CDH12: variants seen among roughly 807,000 people sequenced by gnomAD.
CDH12 encodes the protein cadherin-12.
A neutral mutation model predicts 74.1 loss-of-function variants in CDH12; 41 were observed. The observed-to-expected ratio is 0.55, with a 90% CI of 0.43 to 0.72. CDH12 has a LOEUF of 0.72. Among genes scored for constraint, CDH12 ranks in the 30% least tolerant of loss-of-function variants. CDH12 has a pLI of 0.00. For synonymous variants in CDH12, 399 were observed against 355.0 expected (o/e 1.12, Z -1.39); for missense variants, 945 against 977.2 (o/e 0.97, Z 0.44).
At chr5:22,249,310 A>T (rs1753059586) in intron 3 of CDH12, among the ~76,000 whole-genome samples, 1 of 152,200 alleles carries the variant, frequency 6.6e-6, no homozygotes, top group South Asian at 2.1e-4. Flanking sequence ...AGAGGGTATG[A>T]ACTCATAGGA....
chr5:22,456,374 A>T (rs942696241), intron 2 of CDH12, among the ~76,000 whole-genome samples: 4 of 151,986 alleles, frequency 2.6e-5, no homozygotes, highest in South Asian at 2.1e-4. Context: ...ACTCCTGTAC[A>T]CTATTGCTAA....
intron 4 of CDH12, among the ~76,000 whole-genome samples, chr5:22,094,935 C>G (rs113267502): frequency 6.6e-6 from 1 of 152,298 alleles, no homozygotes; most frequent in South Asian, 2.1e-4. Flanking sequence ...CCTTATAAAA[C>G]GGGCCCACCC....
At chr5:22,244,780 GAA>G (rs754786187) in intron 3 of CDH12, among the ~76,000 whole-genome samples, 2,479 of 124,196 alleles carry the variant, frequency 0.02, 34 homozygotes, top group East Asian at 0.023. Flanking sequence ...AAGAAAGAAA[GAA>G]AGAAAGAAAG....
In CDH12 at chr5:22,447,949, T is replaced by A. The variant is rs910373488; in HGVS notation, c.-427-42598A>T. Among the ~76,000 whole-genome samples, 44 of 128,008 alleles carry A rather than the reference T, an allele frequency of 3.4e-4. No homozygotes were observed. The Admixed American group carries it at 4.0e-3, about 12-fold the overall frequency. 84.0% of individuals were successfully genotyped at this position (128,008 alleles called of 152,430 possible). On this transcript the variant is annotated intron_variant, in intron 2 of 14. Transcript: ENST00000382254. Reference sequence around the variant, plus strand: ...TTGAGCCAGGAATTCAAGACCAACCTGGGCAACATGATGAGGCCTCCTTTC... The same window carrying A: ...TTGAGCCAGGAATTCAAGACCAACCAGGGCAACATGATGAGGCCTCCTTTC...
At chr5:22,253,527 T>C (rs568920942) in intron 3 of CDH12, among the ~76,000 whole-genome samples, 1 of 152,070 alleles carries the variant, frequency 6.6e-6, no homozygotes, top group African/African-American at 2.4e-5. Context: ...TTACATATTT[T>C]CTGTTCCTTT....
At chr5:21,940,925 A>G (rs947465163) in intron 6 of CDH12, among the ~76,000 whole-genome samples, 8 of 152,084 alleles carry the variant, frequency 5.3e-5, no homozygotes, top group African/African-American at 1.9e-4. Context: ...AAAATCATTA[A>G]TCTGAGATTA....
intron 1 of CDH12, among the ~76,000 whole-genome samples, chr5:22,534,037 T>A (rs1296567105): frequency 2.0e-5 from 3 of 152,008 alleles, no homozygotes; most frequent in South Asian, 2.1e-4. Flanking sequence ...AATGAAAAAA[T>A]TTTTAATTGT....
At chr5:22,589,124 T>C (rs1370479377) in intron 1 of CDH12, among the ~76,000 whole-genome samples, 5 of 152,276 alleles carry the variant, frequency 3.3e-5, no homozygotes, top group Middle Eastern at 3.4e-3. Flanking sequence ...ATTGATTGCC[T>C]GATGGAATGT....
chr5:21,772,710 A>G (rs1561171393), intron 11 of CDH12, among the ~76,000 whole-genome samples: 1 of 152,194 alleles, frequency 6.6e-6, no homozygotes, highest in African/African-American at 2.4e-5. Flanking sequence ...CAACAAGATA[A>G]CAATTCCATG....
At chr5:22,271,378 A>G (rs1185066646) in intron 3 of CDH12, among the ~76,000 whole-genome samples, 5 of 152,154 alleles carry the variant, frequency 3.3e-5, no homozygotes, top group African/African-American at 9.7e-5. Context: ...CTCTCTTGCA[A>G]TTGTCATCAC....
Position 22,406,441 on chromosome 5 carries a change from T to C in CDH12, c.-427-1090A>G, listed in dbSNP as rs577503455. ...ATTAATTGTATTCCTCAGCTACAGTTTACAGGAATATATTTGAGAGGGTTA... is the reference window on the plus strand; with the variant it reads ...ATTAATTGTATTCCTCAGCTACAGTCTACAGGAATATATTTGAGAGGGTTA... On this transcript the variant is annotated intron_variant, in intron 2 of 14. Transcript: ENST00000382254. Among the ~76,000 whole-genome samples the C allele has an allele frequency of 7.3e-4, 111 of 152,252 alleles. 1 individual carries two copies. Among genetic ancestry groups the C allele is most frequent in the South Asian group, 1.4e-3 (7 of 4,828 alleles).
intron 6 of CDH12, among the ~76,000 whole-genome samples, chr5:21,898,540 A>G (rs1753232097): frequency 6.6e-6 from 1 of 151,946 alleles, no homozygotes; most frequent in African/African-American, 2.4e-5. Flanking sequence ...GTCTCTACTA[A>G]AAATACAAAA....
At chr5:22,602,676 T>C (rs2126814248) in intron 1 of CDH12, among the ~76,000 whole-genome samples, 1 of 152,242 alleles carries the variant, frequency 6.6e-6, no homozygotes, top group African/African-American at 2.4e-5. Context: ...CTCTTCCTTA[T>C]GAGATGACAG....
chr5:22,737,501 G>A (rs1026589381), intron 1 of CDH12, among the ~76,000 whole-genome samples: 50 of 151,794 alleles, frequency 3.3e-4, no homozygotes, highest in Admixed American at 1.1e-3. Flanking sequence ...ACGTATTTGC[G>A]TAATAAAAAT....
intron 1 of CDH12, among the ~76,000 whole-genome samples, chr5:22,649,651 C>G (rs768454565): frequency 2.0e-5 from 3 of 151,974 alleles, no homozygotes; most frequent in Non-Finnish European, 4.4e-5. Context: ...AACAAAAATG[C>G]CTATCCTTAT....
At chr5:22,240,801 T>C (rs1177733323) in intron 3 of CDH12, among the ~76,000 whole-genome samples, 2 of 152,224 alleles carry the variant, frequency 1.3e-5, no homozygotes. Flanking sequence ...CCCAAAGTGC[T>C]GGGATTACAG....
At chr5:21,759,647 A>G (rs1168421878) in intron 13 of CDH12, among the ~76,000 whole-genome samples, 3 of 152,208 alleles carry the variant, frequency 2.0e-5, no homozygotes, top group Non-Finnish European at 4.4e-5. Flanking sequence ...GTCAAATATA[A>G]TACCTGCATT....
chr5:22,549,679 T>A (rs1289034705), intron 1 of CDH12, among the ~76,000 whole-genome samples: 2 of 152,162 alleles, frequency 1.3e-5, no homozygotes, highest in Non-Finnish European at 2.9e-5. Flanking sequence ...TAGAGAAATA[T>A]TTCATAATTT....
chr5:21,963,556 T>C (rs566548080), intron 6 of CDH12, among the ~76,000 whole-genome samples: 6 of 152,212 alleles, frequency 3.9e-5, no homozygotes, highest in African/African-American at 1.4e-4. Context: ...GTTTGATGCA[T>C]AAAACCTGTT....
Sources: gnomAD v4.1 joint callset for allele counts (sites outside exome capture counted in the v4.1 genomes callset) on GRCh38, gnomAD v4.1.1 for gene constraint, MANE v1.5 for transcripts, NCBI Gene and HGNC (gene_info 2026-07-23, HGNC 2026-07-21) for gene names.